Variants in PHF20 observed in about 807,000 individuals in gnomAD.
The protein encoded by PHF20 is PHD finger protein 20, also known as glioma-expressed antigen 2.
In PHF20, 23 loss-of-function variants were observed where a neutral mutation model predicts 113.5. The observed-to-expected ratio is 0.20, with a 90% CI of 0.15 to 0.29. The LOEUF (loss-of-function observed/expected upper bound fraction) is 0.29. Ranked by LOEUF, PHF20 falls within the 10% of genes least tolerant of loss-of-function variation. The probability of loss-of-function intolerance (pLI) is 1.00; values close to 1 mark genes in which losing one functional copy is unlikely to be tolerated. For missense variants in PHF20, 943 were observed against 1,219.6 expected, an observed-to-expected ratio of 0.77 and a Z score of 3.38; for synonymous variants, 434 against 457.3, an observed-to-expected ratio of 0.95 and a Z score of 0.65.
intron 1 of PHF20, among the ~76,000 whole-genome samples, chr20:35,779,498 A>G (rs1239332084): frequency 6.7e-6 from 1 of 149,038 alleles, no homozygotes; most frequent in East Asian, 2.0e-4. Flanking sequence ...AAAAGTCCAT[A>G]GCTGGTGGAT....
intron 13 of PHF20, among the ~76,000 whole-genome samples, chr20:35,921,175 G>T (rs188913870): frequency 5.5e-4 from 84 of 152,284 alleles, no homozygotes; most frequent in African/African-American, 1.9e-3. Flanking sequence ...TGAACAGCAT[G>T]CTGTGTAGTT....
At chr20:35,929,978 A>G (rs1034106106) in intron 14 of PHF20, among the ~76,000 whole-genome samples, 2 of 152,258 alleles carry the variant, frequency 1.3e-5, no homozygotes, top group African/African-American at 4.8e-5. Context: ...TTTTATAGAT[A>G]TTGACAGTCG....
intron 1 of PHF20, among the ~76,000 whole-genome samples, chr20:35,784,959 G>A (rs1206946836): frequency 6.6e-6 from 1 of 151,988 alleles, no homozygotes; most frequent in Non-Finnish European, 1.5e-5. Context: ...CTGAGGTGGG[G>A]AGGATGGTTT....
chr20:35,804,081 GTTTA>G (rs978351315), intron 2 of PHF20, among the ~76,000 whole-genome samples: 3 of 151,654 alleles, frequency 2.0e-5, no homozygotes, highest in Non-Finnish European at 4.4e-5. Flanking sequence ...TTGTTTGTTT[GTTTA>G]TTTATTTATG....
intron 10 of PHF20, 24 bp downstream of exon 10, chr20:35,899,672 T>C (rs2055058341): frequency 6.2e-7 from 1 of 1,608,392 alleles, no homozygotes; most frequent in Non-Finnish European, 8.5e-7. Flanking sequence ...TTCTTCATTG[T>C]GTCATGGATG....
At chr20:35,881,099 C>G (rs1026216555) in intron 9 of PHF20, among the ~76,000 whole-genome samples, 1 of 129,870 alleles carries the variant, frequency 7.7e-6, no homozygotes, top group Admixed American at 8.3e-5. Flanking sequence ...CTCTTGTCAC[C>G]CAGGCTGGAG....
intron 17 of PHF20, among the ~76,000 whole-genome samples, chr20:35,943,468 T>TG (rs2056026539): frequency 6.9e-6 from 1 of 145,002 alleles, no homozygotes; most frequent in Non-Finnish European, 1.5e-5. Flanking sequence ...TACTCCAGCC[T>TG]GGGTGACAGA....
intron 1 of PHF20, among the ~76,000 whole-genome samples, chr20:35,798,958 T>G (rs1249477478): frequency 6.6e-6 from 1 of 152,128 alleles, no homozygotes; most frequent in Non-Finnish European, 1.5e-5. Context: ...CTCCATGTGG[T>G]ACAATTTTGC....
At chr20:35,921,220 G>A (rs1283991721) in intron 13 of PHF20, among the ~76,000 whole-genome samples, 1 of 152,140 alleles carries the variant, frequency 6.6e-6, no homozygotes, top group African/African-American at 2.4e-5. Flanking sequence ...GACAAGCTCC[G>A]TTTTGAGGTC....
At chr20:35,877,707 A>C (rs2054557250) in intron 9 of PHF20, among the ~76,000 whole-genome samples, 1 of 151,934 alleles carries the variant, frequency 6.6e-6, no homozygotes, top group African/African-American at 2.4e-5. Context: ...CTCAGACCCT[A>C]TTCTAAGCTG....
chr20:35,914,569 G>A (rs747785416), intron 12 of PHF20, among the ~76,000 whole-genome samples: 9 of 152,136 alleles, frequency 5.9e-5, no homozygotes, highest in African/African-American at 7.2e-5. Flanking sequence ...AGAATGAACC[G>A]AAAACCTACT....
intron 2 of PHF20, 128 bp from the exon 3 acceptor site, chr20:35,842,445 C>T: frequency 1.3e-6 from 1 of 765,114 alleles, no homozygotes; most frequent in South Asian, 1.8e-5. Flanking sequence ...CCCAACTACA[C>T]AGAGTCTCTA....
intron 1 of PHF20, among the ~76,000 whole-genome samples, chr20:35,775,720 C>T (rs1257141323): frequency 7.1e-6 from 1 of 141,676 alleles, no homozygotes; most frequent in Non-Finnish European, 1.5e-5. Context: ...CACCACTGCA[C>T]TCCAGCCTGG....
chr20:35,919,238 A>G (rs1203636201), intron 13 of PHF20, among the ~76,000 whole-genome samples: 1 of 151,810 alleles, frequency 6.6e-6, no homozygotes, highest in Non-Finnish European at 1.5e-5. Context: ...GCTTGTCTGG[A>G]ACTCCCGACC....
intron 4 of PHF20, chr20:35,850,829 A>G: frequency 8.8e-7 from 1 of 1,142,264 alleles, no homozygotes; most frequent in South Asian, 1.2e-5. Context: ...AATCAGGTGT[A>G]TGTTTCTGGT....
chr20:35,813,959 G>GAAAAAAAAAAAAAAAAAAA (rs2042022207), intron 2 of PHF20, among the ~76,000 whole-genome samples: 3 of 136,166 alleles, frequency 2.2e-5, no homozygotes. Flanking sequence ...AAAAAAAAAG[G>GAAAAAAAAAAAAAAAAAAA]AAATTGACCT....
chr20:35,924,888 A>G (rs1041288877), intron 13 of PHF20, among the ~76,000 whole-genome samples: 1 of 152,206 alleles, frequency 6.6e-6, no homozygotes, highest in African/African-American at 2.4e-5. Flanking sequence ...GACAAGAGCC[A>G]CTGCGCCTGG....
At chr20:35,907,267 A>G (rs1377614444) in intron 10 of PHF20, among the ~76,000 whole-genome samples, 4 of 152,204 alleles carry the variant, frequency 2.6e-5, no homozygotes, top group Non-Finnish European at 4.4e-5. Context: ...TGGAGGAGCA[A>G]GAGGGCCTCT....
intron 10 of PHF20, among the ~76,000 whole-genome samples, chr20:35,900,556 A>G (rs1411712186): frequency 3.3e-5 from 5 of 152,182 alleles, no homozygotes; most frequent in Non-Finnish European, 7.3e-5. Context: ...ATGTGAGGCC[A>G]GGCACAGTGT....
Sources: allele counts gnomAD v4.1 joint callset (sites outside exome capture counted in the v4.1 genomes callset), GRCh38; gene constraint gnomAD v4.1.1; transcripts MANE v1.5; gene names NCBI Gene and HGNC (gene_info 2026-07-23, HGNC 2026-07-21).